The following KCNIP4 variants were observed in gnomAD, a reference collection of about 807,000 sequenced individuals.
KCNIP4 encodes the protein Kv channel-interacting protein 4.
A neutral mutation model predicts 34.0 loss-of-function variants in KCNIP4; 12 were observed. The observed-to-expected ratio is 0.35, with a 90% confidence interval of 0.23 to 0.57. The LOEUF (loss-of-function observed/expected upper bound fraction) is 0.57. Among genes scored for constraint, KCNIP4 ranks in the 20% least tolerant of loss-of-function variants. KCNIP4 has a pLI of 0.83. For synonymous variants in KCNIP4, 124 were observed against 102.2 expected, an observed-to-expected ratio of 1.21 and a Z score of -1.29; for missense variants, 238 against 311.7, an observed-to-expected ratio of 0.76 and a Z score of 1.78.
At chr4:21,637,300 T>C (rs1746260754) in intron 1 of KCNIP4, among the ~76,000 whole-genome samples, 2 of 152,148 alleles carry the variant, frequency 1.3e-5, no homozygotes, top group Admixed American at 6.6e-5. Context: ...GTAAATACTT[T>C]AGTAAATACT....
chr4:20,915,689 T>C (rs1728743899), intron 1 of KCNIP4, among the ~76,000 whole-genome samples: 1 of 152,186 alleles, frequency 6.6e-6, no homozygotes, highest in Non-Finnish European at 1.5e-5. Context: ...TGTATATATA[T>C]AGGTATATAT....
At chr4:21,948,501 G>T in intron 1 of KCNIP4, 70 bp downstream of exon 1, 1 of 1,523,962 alleles carries the variant, frequency 6.6e-7, no homozygotes, top group Admixed American at 1.9e-5. Context: ...AAGGGAAGGG[G>T]CAGCCGTCTT....
At chr4:20,877,574 C>T (rs1241808717) in intron 2 of KCNIP4, among the ~76,000 whole-genome samples, 1 of 152,104 alleles carries the variant, frequency 6.6e-6, no homozygotes, top group African/African-American at 2.4e-5. Flanking sequence ...GTAAAATAGC[C>T]TATATTCCTT....
At chr4:21,936,706 T>C (rs1165522200) in intron 1 of KCNIP4, among the ~76,000 whole-genome samples, 2 of 152,264 alleles carry the variant, frequency 1.3e-5, no homozygotes, top group Non-Finnish European at 2.9e-5. Context: ...ATCCTAATTC[T>C]GACTCCAAAG....
At chr4:20,927,132 C>A (rs1729984291) in intron 1 of KCNIP4, among the ~76,000 whole-genome samples, 1 of 152,090 alleles carries the variant, frequency 6.6e-6, no homozygotes, top group Non-Finnish European at 1.5e-5. Flanking sequence ...GTCCATGTCA[C>A]CACACCTGGC....
At chr4:20,852,123 C>A (rs924895186) in intron 2 of KCNIP4, among the ~76,000 whole-genome samples, 1 of 152,148 alleles carries the variant, frequency 6.6e-6, no homozygotes, top group East Asian at 1.9e-4. Context: ...CTCCCTAATT[C>A]ATTCTATGAA....
chr4:21,552,172 T>C (rs745628865), intron 1 of KCNIP4, among the ~76,000 whole-genome samples: 2 of 151,984 alleles, frequency 1.3e-5, no homozygotes, highest in African/African-American at 2.4e-5. Flanking sequence ...AATTAGAAAA[T>C]GTTAATTCAA....
At chr4:21,769,339 G>A (rs144643922) in intron 1 of KCNIP4, among the ~76,000 whole-genome samples, 5 of 152,090 alleles carry the variant, frequency 3.3e-5, no homozygotes, top group South Asian at 2.1e-4. Flanking sequence ...CTATTTTAGT[G>A]TTTGTATAAA....
chr4:21,275,042 C>T (rs992592340), intron 1 of KCNIP4, among the ~76,000 whole-genome samples: 8 of 152,092 alleles, frequency 5.3e-5, no homozygotes, highest in Admixed American at 4.6e-4. Flanking sequence ...ATTCTGGGCC[C>T]TGGTGTTAAT....
chr4:21,888,747 A>G (rs1203416995), intron 1 of KCNIP4, among the ~76,000 whole-genome samples: 1 of 152,116 alleles, frequency 6.6e-6, no homozygotes, highest in Non-Finnish European at 1.5e-5. Context: ...GAGCTGGCCT[A>G]CAGCTACTGT....
chr4:21,113,723 T>C (rs188416427), intron 1 of KCNIP4, among the ~76,000 whole-genome samples: 1 of 152,310 alleles, frequency 6.6e-6, no homozygotes, highest in East Asian at 1.9e-4. Flanking sequence ...TTTTCCACAA[T>C]GTGGAATATT....
At chr4:20,940,779 A>G (rs987958922) in intron 1 of KCNIP4, among the ~76,000 whole-genome samples, 2 of 152,198 alleles carry the variant, frequency 1.3e-5, no homozygotes, top group African/African-American at 4.8e-5. Flanking sequence ...CAGTCTTTGA[A>G]CTACCTTTGT....
intron 1 of KCNIP4, among the ~76,000 whole-genome samples, chr4:21,546,683 A>C (rs1738180537): frequency 6.6e-6 from 1 of 152,128 alleles, no homozygotes; most frequent in Admixed American, 6.6e-5. Context: ...TTCCATGATA[A>C]GTTGTTTATG....
chr4:21,570,887 G>A (rs185289049), intron 1 of KCNIP4, among the ~76,000 whole-genome samples: 1 of 152,118 alleles, frequency 6.6e-6, no homozygotes, highest in Admixed American at 6.6e-5. Context: ...TATTTTATAT[G>A]GGAAGTAACT....
rs531015526 is a variant in KCNIP4, at chr4:21,501,754, T to C, written c.61+446817A>G. Reference sequence around the variant, plus strand: ...CAGTTTATATGTAATACCATGCAGATCCATAGTCTATGAACATCACCAAGG... The same window carrying C: ...CAGTTTATATGTAATACCATGCAGACCCATAGTCTATGAACATCACCAAGG... On this transcript the variant is annotated intron_variant, in intron 1 of 8. Transcript: ENST00000382152. Among the ~76,000 whole-genome samples, 11 of 146,690 alleles carry C rather than the reference T, an allele frequency of 7.5e-5. No homozygotes were observed. In the East Asian group the frequency reaches 2.0e-3, roughly 27 times the overall value.
chr4:21,082,264 C>A (rs1462965081), intron 1 of KCNIP4, among the ~76,000 whole-genome samples: 2 of 151,768 alleles, frequency 1.3e-5, no homozygotes, highest in Non-Finnish European at 2.9e-5. Context: ...TAAGCATATA[C>A]AACTCCCATT....
At chr4:21,659,797 G>A (rs1234986804) in intron 1 of KCNIP4, among the ~76,000 whole-genome samples, 2 of 152,104 alleles carry the variant, frequency 1.3e-5, no homozygotes, top group Non-Finnish European at 2.9e-5. Context: ...ATTTCAGGTA[G>A]GTTAATTAAT....
intron 4 of KCNIP4, among the ~76,000 whole-genome samples, chr4:20,756,337 C>T (rs772478753): frequency 6.6e-6 from 1 of 152,172 alleles, no homozygotes; most frequent in Non-Finnish European, 1.5e-5. Context: ...ACTCCCGATT[C>T]ATGGACTCCA....
intron 1 of KCNIP4, among the ~76,000 whole-genome samples, chr4:21,224,257 G>A (rs1343347175): frequency 2.0e-5 from 3 of 152,066 alleles, no homozygotes; most frequent in African/African-American, 7.2e-5. Flanking sequence ...CAAAGCCAAG[G>A]TGCTGGAAAA....
Sources: allele counts gnomAD v4.1 joint callset (sites outside exome capture counted in the v4.1 genomes callset), GRCh38; gene constraint gnomAD v4.1.1; transcripts MANE v1.5; gene names NCBI Gene and HGNC (gene_info 2026-07-23, HGNC 2026-07-21).